Variants in MEGF6 observed in about 807,000 individuals in gnomAD.
The protein encoded by MEGF6 is multiple epidermal growth factor-like domains protein 6.
A neutral mutation model predicts 207.1 loss-of-function variants in MEGF6; 184 were observed. The ratio of observed to expected loss-of-function variants is 0.89; its 90% CI spans 0.79 to 1.00. The LOEUF is 1.00. Ranked by LOEUF, MEGF6 falls within the 50% of genes least tolerant of loss-of-function variation. The pLI is 0.00. For missense variants in MEGF6, 2,282 were observed against 2,202.9 expected (o/e 1.04, Z -0.72); for synonymous variants, 1,038 against 910.0 (o/e 1.14, Z -2.53).
intron 7 of MEGF6, among the ~76,000 whole-genome samples, 153 bp downstream of exon 7, chr1:3,514,397 A>T (rs1323561540): frequency 6.6e-6 from 1 of 152,214 alleles, no homozygotes; most frequent in Non-Finnish European, 1.5e-5. Context: ...AAGGGAGATG[A>T]GACCGCCACA....
At chr1:3,502,017 G>A (rs879096046) in intron 17 of MEGF6, 96 bp from the exon 18 acceptor site, 2 of 872,156 alleles carry the variant, frequency 2.3e-6, no homozygotes, top group African/African-American at 5.5e-5. Flanking sequence ...TGCCCCCTGT[G>A]CCTCACATGG....
At chr1:3,553,274 C>A (rs1032495010) in intron 4 of MEGF6, among the ~76,000 whole-genome samples, 3 of 152,116 alleles carry the variant, frequency 2.0e-5, no homozygotes, top group Non-Finnish European at 2.9e-5. Context: ...CAGCTCCCCC[C>A]ACCCCAGGGT....
Position 3,578,761 on chromosome 1 carries a change from T to G in MEGF6, c.481+1064A>C, listed in dbSNP as rs531526369. 7.8e-3 allele frequency among the ~76,000 whole-genome samples: 1,031 copies of G among 132,676 alleles called. 25 individuals are homozygous for G. The highest frequency in any genetic ancestry group is 0.011 in the Non-Finnish European group (700 of 64,154). 87.0% of individuals were successfully genotyped at this position (132,676 alleles called of 152,430 possible). ...AGGCTGCTGGCACCCAGCTCAGAAC[T>G]CTGGGGAGACCCAGCACCTCTGCAG... On this transcript the variant is annotated intron_variant, in intron 4 of 36. Transcript: ENST00000356575.
the MEGF6 span, among the ~76,000 whole-genome samples, chr1:3,624,153 G>C: frequency 1.3e-5 from 2 of 152,162 alleles, no homozygotes; most frequent in African/African-American, 4.8e-5. Flanking sequence ...TCACCTCCGA[G>C]CAGAGGGATC....
At position 3,517,281 on chromosome 1, in the gene MEGF6, G is replaced by A. The variant is rs544017026; in HGVS notation, c.605-1754C>T. On this transcript the variant is annotated intron_variant, in intron 5 of 36. Transcript: ENST00000356575. Reference sequence around the variant, plus strand: ...AGGAGGCTGCGGCAGGGCTGGGAAAGAAAGAGGCTTCTCATCACCCCCTCC... The same window carrying A: ...AGGAGGCTGCGGCAGGGCTGGGAAAAAAAGAGGCTTCTCATCACCCCCTCC... 2.6e-5 allele frequency among the ~76,000 whole-genome samples: 4 copies of A among 152,324 alleles called. No homozygotes were observed. In the South Asian group the frequency reaches 8.3e-4, roughly 32 times the overall value.
At chr1:3,602,657 C>T (rs1329742339) in intron 1 of MEGF6, 57 bp from the exon 2 acceptor site, 1 of 1,556,472 alleles carries the variant, frequency 6.4e-7, no homozygotes, top group Non-Finnish European at 8.7e-7. Flanking sequence ...GCAACACCCA[C>T]CCCTCCTGCA....
chr1:3,531,594 G>C, intron 4 of MEGF6: 1 of 717,482 alleles, frequency 1.4e-6, no homozygotes, highest in Non-Finnish European at 1.7e-6. Flanking sequence ...CGCGCTCCCG[G>C]ACCCGGACGC....
chr1:3,531,579 G>A (rs1197114567), intron 4 of MEGF6: 3 of 843,264 alleles, frequency 3.6e-6, no homozygotes, highest in Non-Finnish European at 4.3e-6. Context: ...GCGCATTCCA[G>A]CGTGCGCGCT....
In MEGF6 at chr1:3,515,448, C is replaced by A. The variant is rs747195079; in HGVS notation, c.684G>T (p.Gln228His). 6.2e-7 allele frequency: 1 copy of A among 1,612,690 alleles called. No homozygotes were observed. Among genetic ancestry groups the A allele is most frequent in the South Asian group, 1.1e-5 (1 of 91,076 alleles). ...VQLTITRHRC[Q>H]CRPGFQLQED... The stretch of plus-strand genomic sequence containing the variant: ...CCTGGAGCTGGAACCCGGGCCGGCA[C>A]TGGCAGCGATGCCGAGTGATTGTGA... Residue 228 changes from glutamine to histidine, a missense_variant, in exon 6 of 37, where the codon CAG becomes CAT. By Grantham distance (24) the Gln-to-His change is conservative. Transcript: ENST00000356575.
intron 1 of MEGF6, among the ~76,000 whole-genome samples, chr1:3,607,553 C>T (rs1046995550): frequency 9.9e-5 from 15 of 152,214 alleles, no homozygotes; most frequent in South Asian, 2.1e-4. Context: ...ACGGCCCCGG[C>T]GGCCTTTCCA....
chr1:3,567,616 G>A (rs1178875092), intron 4 of MEGF6, among the ~76,000 whole-genome samples: 2 of 152,222 alleles, frequency 1.3e-5, no homozygotes, highest in Admixed American at 6.5e-5. Context: ...GTTTGCCGGG[G>A]ACACGGCCAG....
chr1:3,552,860 TC>T (rs1315477818), intron 4 of MEGF6, among the ~76,000 whole-genome samples: 3 of 151,460 alleles, frequency 2.0e-5, no homozygotes, highest in Admixed American at 6.6e-5. Flanking sequence ...GGTCTTCCAG[TC>T]CCCCACCAGG....
At chr1:3,532,385 A>C (rs114813163) in intron 4 of MEGF6, among the ~76,000 whole-genome samples, 2 of 152,166 alleles carry the variant, frequency 1.3e-5, no homozygotes, top group Non-Finnish European at 2.9e-5. Flanking sequence ...CCTAGCCTCC[A>C]TGGAGATGGA....
At chr1:3,615,914 C>G (rs935785159), upstream of MEGF6, among the ~76,000 whole-genome samples, 1 of 152,236 alleles carries the variant, frequency 6.6e-6, no homozygotes, top group Admixed American at 6.5e-5. Flanking sequence ...AAGGAGTGGA[C>G]AGGCTTCCAT....
intron 18 of MEGF6, 142 bp from the exon 19 acceptor site, chr1:3,501,450 G>T (rs1640861915): frequency 7.8e-7 from 1 of 1,280,556 alleles, no homozygotes; most frequent in Admixed American, 2.4e-5. Context: ...GGAGGGGAGA[G>T]GACCCGGGCA....
In MEGF6 at chr1:3,501,941, G is replaced by C. The variant is rs760092820; in HGVS notation, c.2189-20C>G. The C allele has an allele frequency of 4.1e-6, 6 of 1,475,842 alleles. No individual in the cohort carries two copies. In the Admixed American group the frequency reaches 9.9e-5, roughly 24 times the overall value. The allele number at this position is 1,475,842 out of a possible 1,614,324, so 91.4% of individuals were successfully genotyped here. On this transcript the variant is annotated intron_variant, in intron 17 of 36. Transcript: ENST00000356575. ...GGCACTCTGCAGGAGAAAGCACGAGGGGCCTTAGCCGCACCACGTGGAGTG... is the reference window on the plus strand; with the variant it reads ...GGCACTCTGCAGGAGAAAGCACGAGCGGCCTTAGCCGCACCACGTGGAGTG...
chr1:3,512,001 C>T lies in MEGF6; in HGVS notation c.976+5G>A. ...CCTTCAGCCTGTTGCCGGCTGCCCA[C>T]TCACGGTAGCACTGCCGGCCATCGG... On this transcript the variant is annotated splice_donor_5th_base_variant and intron_variant, in intron 8 of 36. Coordinates refer to ENST00000356575, the MANE Select transcript of MEGF6 (RefSeq NM_001409.4). 2 of 1,612,120 alleles carry T rather than the reference C, an allele frequency of 1.2e-6. No homozygotes were observed. Among genetic ancestry groups the T allele is most frequent in the Admixed American group, 3.3e-5 (2 of 60,000 alleles).
At chr1:3,531,993 C>G (rs976417762) in intron 4 of MEGF6, among the ~76,000 whole-genome samples, 1 of 152,244 alleles carries the variant, frequency 6.6e-6, no homozygotes, top group African/African-American at 2.4e-5. Context: ...CTGTCCTCCC[C>G]TGGCCCAGGG....
intron 4 of MEGF6, among the ~76,000 whole-genome samples, chr1:3,530,699 A>T (rs1642124493): frequency 6.6e-6 from 1 of 152,218 alleles, no homozygotes. Context: ...GAGACCCCGG[A>T]GACTCAGCTC....
Sources: gnomAD v4.1 joint callset for allele counts (sites outside exome capture counted in the v4.1 genomes callset) on GRCh38, gnomAD v4.1.1 for gene constraint, MANE v1.5 for transcripts, NCBI Gene and HGNC (gene_info 2026-07-23, HGNC 2026-07-21) for gene names.